KIAA0825: variants seen among roughly 807,000 people sequenced by gnomAD.
The protein encoded by KIAA0825 is uncharacterized protein KIAA0825.
Under a neutral mutation model 147.6 loss-of-function variants are expected in KIAA0825, and 119 were observed. The ratio of observed to expected loss-of-function variants is 0.81; its 90% CI spans 0.69 to 0.94. KIAA0825 has a LOEUF of 0.94. Ranked by LOEUF, KIAA0825 falls within the 40% of genes least tolerant of loss-of-function variation. KIAA0825 has a pLI of 0.00. For synonymous variants in KIAA0825, 470 were observed against 518.1 expected (o/e 0.91, Z 1.26); for missense variants, 1,381 against 1,472.7 (o/e 0.94, Z 1.02).
At chr5:94,263,021 T>G (rs1776574115) in intron 20 of KIAA0825, among the ~76,000 whole-genome samples, 2 of 152,120 alleles carry the variant, frequency 1.3e-5, no homozygotes, top group African/African-American at 4.8e-5. Flanking sequence ...AGGTTCCCAT[T>G]GTCCTCTATG....
intron 18 of KIAA0825, among the ~76,000 whole-genome samples, chr5:94,388,159 C>T (rs1562446753): frequency 6.6e-6 from 1 of 152,140 alleles, no homozygotes; most frequent in Non-Finnish European, 1.5e-5. Flanking sequence ...AAGGAACACA[C>T]AACATAAATC....
intron 20 of KIAA0825, among the ~76,000 whole-genome samples, chr5:94,187,316 G>C (rs949290433): frequency 4.8e-5 from 7 of 144,828 alleles, no homozygotes; most frequent in Admixed American, 2.8e-4. Context: ...CAGAACTGTT[G>C]TGAAATTAGG....
intron 20 of KIAA0825, among the ~76,000 whole-genome samples, chr5:94,352,513 A>C (rs1235001938): frequency 6.6e-6 from 1 of 152,188 alleles, no homozygotes; most frequent in East Asian, 1.9e-4. Flanking sequence ...CAGTGTGGAG[A>C]TTCCTTAAAG....
intron 1 of KIAA0825, chr5:94,592,736 G>T: frequency 3.3e-6 from 1 of 302,216 alleles, no homozygotes; most frequent in Non-Finnish European, 6.4e-6. Context: ...AGTTACAGAC[G>T]GTTTTGTTTA....
intron 14 of KIAA0825, among the ~76,000 whole-genome samples, chr5:94,417,629 C>T (rs1473990201): frequency 5.9e-5 from 9 of 152,176 alleles, no homozygotes; most frequent in Admixed American, 3.9e-4. Context: ...AATAACACCA[C>T]TTCAAAGGTC....
chr5:94,217,246 G>A (rs567263127), intron 20 of KIAA0825, among the ~76,000 whole-genome samples: 8 of 151,348 alleles, frequency 5.3e-5, no homozygotes, highest in African/African-American at 1.7e-4. Context: ...AATGACTTAC[G>A]TATCATTTAA....
At chr5:94,333,591 T>G (rs144396065) in intron 20 of KIAA0825, among the ~76,000 whole-genome samples, 97 of 152,330 alleles carry the variant, frequency 6.4e-4, no homozygotes, top group African/African-American at 2.1e-3. Flanking sequence ...TCTATACATC[T>G]GTTTTGGTAC....
chr5:94,402,272 G>A (rs771867131), intron 16 of KIAA0825, among the ~76,000 whole-genome samples: 6 of 152,062 alleles, frequency 3.9e-5, no homozygotes, highest in Non-Finnish European at 7.4e-5. Flanking sequence ...AAAATTGTTC[G>A]TGAATAGAAT....
chr5:94,594,910 CTTCT>C (rs1208296709), intron 1 of KIAA0825: 4 of 284,022 alleles, frequency 1.4e-5, no homozygotes, highest in Non-Finnish European at 2.6e-5. Flanking sequence ...CCAAAATAAT[CTTCT>C]TTGACTCCAT....
intron 20 of KIAA0825, among the ~76,000 whole-genome samples, chr5:94,264,992 A>G (rs958939537): frequency 8.6e-5 from 13 of 152,012 alleles, no homozygotes; most frequent in South Asian, 2.1e-4. Flanking sequence ...CATGTTGCCC[A>G]GGCTGGTCTT....
chr5:94,163,408 A>G (rs1767752067), intron 20 of KIAA0825, among the ~76,000 whole-genome samples: 1 of 151,972 alleles, frequency 6.6e-6, no homozygotes, highest in African/African-American at 2.4e-5. Flanking sequence ...TTTCTTTACC[A>G]CCACTTTTTT....
At chr5:94,563,588 A>ATTT (rs1357974670) in intron 2 of KIAA0825, among the ~76,000 whole-genome samples, 1 of 152,238 alleles carries the variant, frequency 6.6e-6, no homozygotes, top group African/African-American at 2.4e-5. Flanking sequence ...GTGTAAAACT[A>ATTT]TAACAATGAC....
chr5:94,508,799 C>A (rs1434251965), intron 5 of KIAA0825, among the ~76,000 whole-genome samples: 4 of 152,194 alleles, frequency 2.6e-5, no homozygotes, highest in African/African-American at 9.6e-5. Context: ...TAAGCTATTT[C>A]CAGTTCCTTG....
At chr5:94,270,841 T>A (rs1776948976) in intron 20 of KIAA0825, among the ~76,000 whole-genome samples, 1 of 152,038 alleles carries the variant, frequency 6.6e-6, no homozygotes, top group South Asian at 2.1e-4. Flanking sequence ...GCATTGCTCA[T>A]AAAGAATGAA....
intron 20 of KIAA0825, among the ~76,000 whole-genome samples, chr5:94,200,946 CATATATATATATATATATATATAT>C (rs34842887): frequency 2.2e-4 from 23 of 103,896 alleles, no homozygotes; most frequent in East Asian, 6.1e-4. Context: ...AGAATTTAAA[CATATATATATATATATATATATAT>C]ATATATATAT....
intron 20 of KIAA0825, among the ~76,000 whole-genome samples, chr5:94,258,293 C>T (rs1776340397): frequency 6.6e-6 from 1 of 151,974 alleles, no homozygotes; most frequent in African/African-American, 2.4e-5. Flanking sequence ...ATTAACAAAA[C>T]TGAGAGTCAA....
chr5:94,520,496 G>A lies in KIAA0825; in HGVS notation c.722C>T (p.Ala241Val). The A allele has an allele frequency of 6.2e-7, 1 of 1,612,786 alleles. No homozygotes were observed. Among genetic ancestry groups the A allele is most frequent in the East Asian group, 2.2e-5 (1 of 44,842 alleles). ...YNRDSNLDVIAHGYQSTMLKL... is the reference protein window; with the variant it reads ...YNRDSNLDVIVHGYQSTMLKL... The stretch of plus-strand genomic sequence containing the variant: ...AAGCATTGTACTTTGATATCCATGA[G>A]CTATTACATCTAAATTTGAATCTCT... Residue 241 changes from alanine to valine, a missense_variant, in exon 5 of 21, where the codon GCT becomes GTT. Transcript: ENST00000682413.
At chr5:94,267,063 G>T (rs926718272) in intron 20 of KIAA0825, among the ~76,000 whole-genome samples, 1 of 152,146 alleles carries the variant, frequency 6.6e-6, no homozygotes, top group African/African-American at 2.4e-5. Flanking sequence ...TGGGTGCTCA[G>T]TTTTCTGTTC....
chr5:94,396,701 GTTT>G (rs199881348), intron 16 of KIAA0825, among the ~76,000 whole-genome samples, 192 bp from the exon 17 acceptor site: 4 of 145,178 alleles, frequency 2.8e-5, no homozygotes, highest in Non-Finnish European at 6.1e-5. Context: ...ATCAAAATCT[GTTT>G]TTTTTTTTCT....
Sources: gnomAD v4.1 joint callset for allele counts (sites outside exome capture counted in the v4.1 genomes callset) on GRCh38, gnomAD v4.1.1 for gene constraint, MANE v1.5 for transcripts, NCBI Gene and HGNC (gene_info 2026-07-23, HGNC 2026-07-21) for gene names.